Variants in PPP6C observed in about 807,000 individuals in gnomAD.
PPP6C encodes serine/threonine-protein phosphatase 6 catalytic subunit.
A neutral mutation model predicts 39.8 loss-of-function variants in PPP6C; 11 were observed. The observed-to-expected ratio is 0.28, with a 90% confidence interval of 0.17 to 0.46. The LOEUF is 0.46. PPP6C is among the 20% of genes least tolerant of loss of function. The probability of loss-of-function intolerance (pLI) is 1.00; values close to 1 mark genes in which losing one functional copy is unlikely to be tolerated. For missense variants in PPP6C, 211 were observed against 373.9 expected (o/e 0.56, Z 3.59); for synonymous variants, 129 against 130.3 (o/e 0.99, Z 0.07).
intron 1 of PPP6C, among the ~76,000 whole-genome samples, chr9:125,180,010 T>C (rs1288251270): frequency 6.6e-6 from 1 of 152,134 alleles, no homozygotes; most frequent in Non-Finnish European, 1.5e-5. Flanking sequence ...ATAAAATGCA[T>C]CCCTTTGAAG....
chr9:125,174,241 T>C (rs534010205), intron 1 of PPP6C, among the ~76,000 whole-genome samples: 1 of 152,278 alleles, frequency 6.6e-6, no homozygotes, highest in Non-Finnish European at 1.5e-5. Context: ...ATCTCATTAA[T>C]ATATGAGAAA....
chr9:125,189,457 G>A (rs1829613616), intron 1 of PPP6C, 187 bp downstream of exon 1: 8 of 1,424,220 alleles, frequency 5.6e-6, no homozygotes, highest in South Asian at 1.5e-5. Flanking sequence ...GAGGCAACCG[G>A]GACAGCATTC....
intron 1 of PPP6C, among the ~76,000 whole-genome samples, chr9:125,181,136 T>G (rs1829412972): frequency 6.6e-6 from 1 of 152,080 alleles, no homozygotes; most frequent in Non-Finnish European, 1.5e-5. Context: ...CTATGCAATC[T>G]CACTATAAAC....
At chr9:125,160,789 T>C in intron 3 of PPP6C, 52 bp downstream of exon 3, 1 of 1,269,932 alleles carries the variant, frequency 7.9e-7, no homozygotes, top group South Asian at 1.4e-5. Context: ...ATTTAATAAG[T>C]CAGATCCTTT....
chr9:125,164,640 T>C (rs1828973901), intron 2 of PPP6C, among the ~76,000 whole-genome samples: 1 of 152,138 alleles, frequency 6.6e-6, no homozygotes, highest in African/African-American at 2.4e-5. Flanking sequence ...GCTCACTATA[T>C]TGCCCAGGTT....
intron 4 of PPP6C, among the ~76,000 whole-genome samples, chr9:125,155,010 C>T (rs538711046): frequency 1.3e-5 from 2 of 152,294 alleles, no homozygotes; most frequent in East Asian, 1.9e-4. Context: ...TGGGTTCAAG[C>T]GATCCCACCA....
intron 4 of PPP6C, among the ~76,000 whole-genome samples, chr9:125,157,683 CCT>C (rs1491499524): frequency 6.1e-5 from 7 of 114,602 alleles, no homozygotes; most frequent in African/African-American, 2.0e-4. Context: ...CCAGCATTCT[CCT>C]TTTTTTTTTG....
intron 2 of PPP6C, among the ~76,000 whole-genome samples, chr9:125,168,061 A>C (rs1361156100): frequency 1.3e-5 from 2 of 152,218 alleles, no homozygotes; most frequent in Non-Finnish European, 2.9e-5. Flanking sequence ...TAATCAGTAT[A>C]TTCTAGTGTC....
At chr9:125,186,279 T>C (rs1157195163) in intron 1 of PPP6C, among the ~76,000 whole-genome samples, 2 of 151,862 alleles carry the variant, frequency 1.3e-5, no homozygotes, top group Non-Finnish European at 1.5e-5. Flanking sequence ...TTGCACTTCA[T>C]GCCAAGAAAC....
At chr9:125,160,520 T>C (rs1828843441) in intron 3 of PPP6C, among the ~76,000 whole-genome samples, 1 of 152,184 alleles carries the variant, frequency 6.6e-6, no homozygotes, top group Non-Finnish European at 1.5e-5. Context: ...CTGATGGTTT[T>C]AAAAACAAGA....
chr9:125,167,834 G>T (rs1273188776), intron 2 of PPP6C, among the ~76,000 whole-genome samples: 4 of 31,386 alleles, frequency 1.3e-4, no homozygotes, highest in African/African-American at 2.2e-4. Context: ...TGAGATGGGG[G>T]GGGGGGGGGG....
intron 2 of PPP6C, among the ~76,000 whole-genome samples, chr9:125,170,461 A>G (rs1588287262): frequency 6.6e-6 from 1 of 151,724 alleles, no homozygotes; most frequent in Admixed American, 6.6e-5. Flanking sequence ...CTGGTCTCAA[A>G]CTCCTGACCT....
intron 2 of PPP6C, among the ~76,000 whole-genome samples, chr9:125,163,073 T>C (rs1203727967): frequency 6.6e-6 from 1 of 151,422 alleles, no homozygotes; most frequent in Non-Finnish European, 1.5e-5. Context: ...AGCAAGACTC[T>C]GTCTCAAAAA....
chr9:125,156,256 G>A (rs1836071789), intron 4 of PPP6C, among the ~76,000 whole-genome samples: 1 of 152,088 alleles, frequency 6.6e-6, no homozygotes, highest in African/African-American at 2.4e-5. Context: ...ACAAACTGAA[G>A]AGTAAGAGAG....
Position 125,188,989 on chromosome 9 carries a change from T to G in PPP6C, c.75+655A>C, listed in dbSNP as rs577386077. ...TTAAGGAGAAAGTATTTGTATTTAT[T>G]GAGAACCAACTACTTTATCCACTTC... On this transcript the variant is annotated intron_variant, in intron 1 of 6. Transcript: ENST00000373547. The G allele has an allele frequency of 5.1e-5, 75 of 1,458,332 alleles. No individual in the cohort carries two copies. The African/African-American group carries it at 9.4e-4, about 18-fold the overall frequency. The allele number at this position is 1,458,332 out of a possible 1,614,324, so 90.3% of individuals were successfully genotyped here.
chr9:125,166,745 G>A (rs1414432214), intron 2 of PPP6C, among the ~76,000 whole-genome samples: 2 of 151,950 alleles, frequency 1.3e-5, no homozygotes, highest in African/African-American at 4.8e-5. Context: ...TGTTGGCCAG[G>A]CTGATCTTGA....
At chr9:125,184,938 G>A (rs1458079386) in intron 1 of PPP6C, among the ~76,000 whole-genome samples, 1 of 133,624 alleles carries the variant, frequency 7.5e-6, no homozygotes, top group Non-Finnish European at 1.5e-5. Flanking sequence ...CTGTACTCCA[G>A]CCTGGGCAAT....
chr9:125,164,785 C>A (rs1474536066), intron 2 of PPP6C, among the ~76,000 whole-genome samples: 1 of 152,132 alleles, frequency 6.6e-6, no homozygotes, highest in Non-Finnish European at 1.5e-5. Context: ...GTCACCCAGA[C>A]TGGAGTGCAG....
At chr9:125,163,928 A>ACCT (rs1357349345) in intron 2 of PPP6C, among the ~76,000 whole-genome samples, 1 of 143,828 alleles carries the variant, frequency 7.0e-6, no homozygotes, top group Non-Finnish European at 1.5e-5. Context: ...GCTCACTGCA[A>ACCT]CCTCCACCTC....
Sources: allele counts gnomAD v4.1 joint callset (sites outside exome capture counted in the v4.1 genomes callset), GRCh38; gene constraint gnomAD v4.1.1; transcripts MANE v1.5; gene names NCBI Gene and HGNC (gene_info 2026-07-23, HGNC 2026-07-21).